CLINT1: variants seen among roughly 807,000 people sequenced by gnomAD.
The protein encoded by CLINT1 is clathrin interactor 1, also known as clathrin interacting protein localized in the trans-Golgi region.
Under a neutral mutation model 70.4 loss-of-function variants are expected in CLINT1, and 15 were observed. The ratio of observed to expected loss-of-function variants is 0.21; its 90% CI spans 0.14 to 0.33. The LOEUF is 0.33. Among genes scored for constraint, CLINT1 ranks in the 10% least tolerant of loss-of-function variants. The pLI, the probability that CLINT1 is intolerant of heterozygous loss-of-function variation, is 1.00. For missense variants in CLINT1, 615 were observed against 778.1 expected (o/e 0.79, Z 2.49); for synonymous variants, 227 against 254.7 (o/e 0.89, Z 1.04).
At position 157,816,795 on chromosome 5, in the gene CLINT1, A is replaced by C. The variant is rs374761013; in HGVS notation, c.182T>G (p.Met61Arg). The C allele has an allele frequency of 6.2e-7, 1 of 1,611,212 alleles. No individual in the cohort carries two copies. The highest frequency in any genetic ancestry group is 8.5e-7 in the Non-Finnish European group (1 of 1,179,038). ...TAACATTCGTGACCAAAGCATGTTC[A>C]TAAGTTCTGGAAATTGTTCATACAT... ...TFMYEQFPEL[M>R]NMLWSRMLKD... is the part of the protein sequence containing the mutation. The change falls in exon 3 of 12, where the codon ATG (methionine) becomes AGG (arginine). Residue 61 changes from methionine (M) to arginine (R), a missense_variant. By Grantham distance (91) the Met-to-Arg change is moderately conservative. This residue lies in a region of CLINT1 where 241 missense variants were observed against 368.6 expected (regional missense o/e 0.65). Coordinates refer to ENST00000411809, the MANE Select transcript of CLINT1 (RefSeq NM_014666.4).
At chr5:157,795,381 T>A in intron 8 of CLINT1, 1 of 158,546 alleles carries the variant, frequency 6.3e-6, no homozygotes, top group Middle Eastern at 3.2e-3. Context: ...GATCCTTGAT[T>A]GGACCCCGGA....
Position 157,794,923 on chromosome 5 carries a change from A to T in CLINT1, c.1062T>A (p.Ala354=). The change falls in exon 9 of 12, where the codon GCT becomes GCA. Residue 354 remains alanine, a synonymous_variant. Coordinates refer to ENST00000411809, the MANE Select transcript of CLINT1 (RefSeq NM_014666.4). ...FGGFADFGSA[A]ASGSFPSQVT... ...CTTGGGAAGGGAAACTGCCTGATGC[A>T]GCAGCTGAGCCAAAGTCAGCAAATC... 1 of 1,558,768 alleles carries T rather than the reference A, an allele frequency of 6.4e-7. No homozygotes were observed. Among genetic ancestry groups the T allele is most frequent in the Non-Finnish European group, 8.7e-7 (1 of 1,150,666 alleles).
intron 1 of CLINT1, among the ~76,000 whole-genome samples, chr5:157,824,015 TG>T (rs1217444056): frequency 1.3e-5 from 2 of 152,166 alleles, no homozygotes; most frequent in Non-Finnish European, 2.9e-5. Flanking sequence ...CCCCAACCCC[TG>T]GTCTGTGCAA....
chr5:157,833,401 C>T (rs924273521), intron 1 of CLINT1, among the ~76,000 whole-genome samples: 9 of 151,742 alleles, frequency 5.9e-5, no homozygotes, highest in Non-Finnish European at 1.3e-4. Context: ...TATAAAAGGT[C>T]CTTCATATGA....
intron 5 of CLINT1, among the ~76,000 whole-genome samples, chr5:157,810,119 T>C (rs545821399): frequency 6.6e-6 from 1 of 152,208 alleles, no homozygotes; most frequent in Non-Finnish European, 1.5e-5. Flanking sequence ...ACACAAGCTA[T>C]ATAAGCAAAA....
chr5:157,850,495 C>A (rs1286596388), intron 1 of CLINT1, among the ~76,000 whole-genome samples: 1 of 151,360 alleles, frequency 6.6e-6, no homozygotes, highest in African/African-American at 2.4e-5. Context: ...CCTGTAGTCC[C>A]TCTTACTTGG....
At chr5:157,850,010 T>C (rs561512152) in intron 1 of CLINT1, among the ~76,000 whole-genome samples, 278 of 151,548 alleles carry the variant, frequency 1.8e-3, no homozygotes, top group African/African-American at 6.3e-3. Flanking sequence ...CAGAAAAAAA[T>C]AGTGACGAGT....
In CLINT1 at chr5:157,786,315, G is replaced by A. The variant is rs1761725654; in HGVS notation, c.*1331C>T. 6.6e-6 allele frequency: 1 copy of A among 152,374 alleles called. No homozygotes were observed. The highest frequency in any genetic ancestry group is 2.4e-5 in the African/African-American group (1 of 41,394). The allele number at this position is 152,374 out of a possible 1,614,324, so 9.4% of individuals were successfully genotyped here. On this transcript the variant is annotated 3_prime_UTR_variant, in exon 12 of 12. Coordinates refer to ENST00000411809, the MANE Select transcript of CLINT1 (RefSeq NM_014666.4). Reference sequence around the variant, plus strand: ...ATTTTAATGAACATTTTAATGTTATGTATAACAGAACATTATGAATATAAT... The same window carrying A: ...ATTTTAATGAACATTTTAATGTTATATATAACAGAACATTATGAATATAAT...
intron 8 of CLINT1, 122 bp from the exon 9 acceptor site, chr5:157,795,094 G>C (rs1687824576): frequency 1.4e-6 from 1 of 719,974 alleles, no homozygotes; most frequent in Admixed American, 2.4e-5. Context: ...CCTCACAAAA[G>C]CTAAAGCTAG....
At chr5:157,801,429 C>T (rs940401041) in intron 8 of CLINT1, among the ~76,000 whole-genome samples, 1 of 151,930 alleles carries the variant, frequency 6.6e-6, no homozygotes, top group African/African-American at 2.4e-5. Context: ...ATCGCTTGAA[C>T]CCGGGAGGCA....
At chr5:157,790,888 A>T (rs979217546) in intron 10 of CLINT1, among the ~76,000 whole-genome samples, 6 of 152,338 alleles carry the variant, frequency 3.9e-5, no homozygotes, top group African/African-American at 1.4e-4. Context: ...TAAAACATTT[A>T]TATAATGTAG....
intron 3 of CLINT1, among the ~76,000 whole-genome samples, chr5:157,815,871 T>C (rs1762706641): frequency 6.6e-6 from 1 of 152,132 alleles, no homozygotes; most frequent in South Asian, 2.1e-4. Flanking sequence ...ATAGAAAAGG[T>C]ACAGAACAAA....
intron 1 of CLINT1, among the ~76,000 whole-genome samples, chr5:157,858,542 C>G (rs76011718): frequency 6.6e-6 from 1 of 152,096 alleles, no homozygotes; most frequent in South Asian, 2.1e-4. Context: ...CCCCCACCCC[C>G]AAACCTTCCC....
chr5:157,801,009 A>G lies in CLINT1; in HGVS notation c.1012+2641T>C, dbSNP rs550096919. Among the ~76,000 whole-genome samples the G allele has an allele frequency of 2.0e-5, 3 of 152,354 alleles. No individual in the cohort carries two copies. The South Asian group carries it at 6.2e-4, about 32-fold the overall frequency. On this transcript the variant is annotated intron_variant, in intron 8 of 11. Coordinates refer to ENST00000411809, the MANE Select transcript of CLINT1 (RefSeq NM_014666.4). ...AAAATAGTTGATATTCTGTGACACT[A>G]TATCTGTATTATATGACTACATGCT...
chr5:157,801,898 G>T (rs1005559502), intron 8 of CLINT1, among the ~76,000 whole-genome samples: 1 of 146,312 alleles, frequency 6.8e-6, no homozygotes, highest in South Asian at 2.1e-4. Context: ...TTAAGTTAAA[G>T]TTTTTTTTTT....
chr5:157,806,233 T>C (rs1762379712), intron 6 of CLINT1, 121 bp from the exon 7 acceptor site: 2 of 933,456 alleles, frequency 2.1e-6, no homozygotes, highest in African/African-American at 1.7e-5. Context: ...CTTTGACTAC[T>C]TGACAGGGAT....
intron 1 of CLINT1, among the ~76,000 whole-genome samples, chr5:157,845,713 G>A (rs922256326): frequency 3.2e-4 from 48 of 151,972 alleles, no homozygotes; most frequent in African/African-American, 1.1e-3. Context: ...CACCACGCCC[G>A]GCTAATTTTT....
intron 1 of CLINT1, among the ~76,000 whole-genome samples, chr5:157,837,433 C>A (rs907594762): frequency 1.3e-5 from 2 of 152,092 alleles, no homozygotes; most frequent in Non-Finnish European, 2.9e-5. Context: ...CACACACACA[C>A]ACACACATAC....
intron 1 of CLINT1, chr5:157,823,600 A>T (rs576193977): frequency 1.1e-5 from 2 of 181,836 alleles, no homozygotes; most frequent in East Asian, 3.8e-4. Flanking sequence ...GTTAGGGATG[A>T]ATAATTCTTG....
Sources: gnomAD v4.1 joint callset for allele counts (sites outside exome capture counted in the v4.1 genomes callset) on GRCh38, gnomAD v4.1.1 for gene constraint, gnomAD v4.1.1 regional missense constraint, MANE v1.5 for transcripts, NCBI Gene and HGNC (gene_info 2026-07-23, HGNC 2026-07-21) for gene names.